Variants in FANCC observed in about 807,000 individuals in gnomAD.
The protein encoded by FANCC is Fanconi anemia group C protein.
A neutral mutation model predicts 71.3 loss-of-function variants in FANCC; 55 were observed. That is an observed-to-expected ratio of 0.77 (90% CI 0.62 to 0.97). FANCC has a LOEUF of 0.97. Among genes scored for constraint, FANCC ranks in the 50% least tolerant of loss-of-function variants. The pLI is 0.00. For synonymous variants in FANCC, 275 were observed against 244.9 expected (o/e 1.12, Z -1.15); for missense variants, 678 against 670.9 (o/e 1.01, Z -0.12).
chr9:95,204,206 CT>C (rs1214927552), intron 4 of FANCC, among the ~76,000 whole-genome samples: 3 of 152,218 alleles, frequency 2.0e-5, no homozygotes, highest in Non-Finnish European at 1.5e-5. Flanking sequence ...TTTAATTTCA[CT>C]GAAGGAACCA....
At chr9:95,253,113 A>G (rs1307349715) in intron 1 of FANCC, among the ~76,000 whole-genome samples, 2 of 152,148 alleles carry the variant, frequency 1.3e-5, no homozygotes, top group Non-Finnish European at 2.9e-5. Context: ...AATGTATCTG[A>G]TTGTTTTAAA....
chr9:95,157,345 G>T (rs1830508168), intron 6 of FANCC, among the ~76,000 whole-genome samples: 1 of 152,166 alleles, frequency 6.6e-6, no homozygotes, highest in Non-Finnish European at 1.5e-5. Context: ...AAATGGTGTT[G>T]TCATAGGGCT....
At chr9:95,271,919 A>C (rs1588394884) in intron 1 of FANCC, among the ~76,000 whole-genome samples, 1 of 95,998 alleles carries the variant, frequency 1.0e-5, no homozygotes, top group African/African-American at 3.8e-5. Context: ...AATCCCATCA[A>C]GCCTCTTCTT....
Position 95,099,206 on chromosome 9 carries a change from T to A in FANCC, c.*2501A>T. On this transcript the variant is annotated 3_prime_UTR_variant, in exon 15 of 15. Coordinates refer to ENST00000289081, the MANE Select transcript of FANCC (RefSeq NM_000136.3). ...TCCGCCTCTTCTGTATTTTTGGCTC[T>A]CTCTGAGGGTAGTGGTTTTACCAGC... The A allele has an allele frequency of 4.6e-6, 1 of 217,504 alleles. No individual in the cohort carries two copies. The allele number at this position is 217,504 out of a possible 1,614,324, so 13.5% of individuals were successfully genotyped here.
intron 4 of FANCC, among the ~76,000 whole-genome samples, chr9:95,187,906 C>T (rs1826830005): frequency 6.6e-6 from 1 of 151,876 alleles, no homozygotes; most frequent in East Asian, 2.0e-4. Context: ...AGGATGGAAA[C>T]GTCTCAAGAC....
intron 8 of FANCC, among the ~76,000 whole-genome samples, chr9:95,134,965 T>G (rs572667222): frequency 6.6e-6 from 1 of 152,392 alleles, no homozygotes; most frequent in African/African-American, 2.4e-5. Flanking sequence ...TTTCCTCTAG[T>G]GAAGAGCTAC....
In FANCC at chr9:95,201,924, T is replaced by C. The variant is rs565035328; in HGVS notation, c.346-29777A>G. Reference sequence around the variant, plus strand: ...CACTCCAAACCTCAGACTGGTGATATTGCATTACTTTCTATAAGATACACA... The same window carrying C: ...CACTCCAAACCTCAGACTGGTGATACTGCATTACTTTCTATAAGATACACA... On this transcript the variant is annotated intron_variant, in intron 4 of 14. Transcript: ENST00000289081. Among the ~76,000 whole-genome samples the C allele has an allele frequency of 6.6e-5, 10 of 152,330 alleles. No individual in the cohort carries two copies. In the East Asian group the frequency reaches 1.3e-3, roughly 21 times the overall value.
chr9:95,123,451 G>A (rs755797742), intron 10 of FANCC: 2 of 460,296 alleles, frequency 4.3e-6, no homozygotes, highest in African/African-American at 2.0e-5. Flanking sequence ...ACCAGCCCGG[G>A]CAACATGGTG....
At chr9:95,179,246 G>C (rs1408734302) in intron 4 of FANCC, among the ~76,000 whole-genome samples, 1 of 152,118 alleles carries the variant, frequency 6.6e-6, no homozygotes, top group Non-Finnish European at 1.5e-5. Context: ...CTATGAATCT[G>C]TACTTTGTTA....
chr9:95,229,792 C>T (rs1051653799), intron 4 of FANCC, among the ~76,000 whole-genome samples: 18 of 151,838 alleles, frequency 1.2e-4, no homozygotes, highest in Non-Finnish European at 7.4e-5. Context: ...CACACACACA[C>T]ACACACACAC....
At chr9:95,124,717 T>C (rs1825704060) in intron 10 of FANCC, among the ~76,000 whole-genome samples, 1 of 152,202 alleles carries the variant, frequency 6.6e-6, no homozygotes, top group South Asian at 2.1e-4. Context: ...ACATGCCATA[T>C]AGACCCCAGG....
intron 1 of FANCC, among the ~76,000 whole-genome samples, chr9:95,280,721 G>A (rs1833335686): frequency 6.6e-6 from 1 of 152,308 alleles, no homozygotes; most frequent in South Asian, 2.1e-4. Flanking sequence ...GCCAGTAACT[G>A]ATCCTAAAGA....
intron 7 of FANCC, among the ~76,000 whole-genome samples, chr9:95,136,444 A>G (rs563538993): frequency 6.6e-5 from 10 of 152,168 alleles, no homozygotes; most frequent in Admixed American, 6.5e-4. Flanking sequence ...CTGGACCTTA[A>G]GTGTGATACT....
chr9:95,114,978 G>C (rs2072269218), intron 11 of FANCC, among the ~76,000 whole-genome samples: 1 of 152,132 alleles, frequency 6.6e-6, no homozygotes. Flanking sequence ...GATCTTGCTT[G>C]GTCAGAGGCT....
chr9:95,172,427 TTTA>T (rs1825748053), intron 4 of FANCC, among the ~76,000 whole-genome samples: 1 of 152,234 alleles, frequency 6.6e-6, no homozygotes, highest in East Asian at 1.9e-4. Context: ...GAATGGAATC[TTTA>T]TTGTTTTTAA....
intron 4 of FANCC, among the ~76,000 whole-genome samples, chr9:95,215,574 T>C (rs992440034): frequency 6.6e-6 from 1 of 152,210 alleles, no homozygotes; most frequent in Non-Finnish European, 1.5e-5. Flanking sequence ...TGGGGTAGTA[T>C]GACTGCTCCT....
intron 3 of FANCC, among the ~76,000 whole-genome samples, chr9:95,244,008 G>A (rs1392127995): frequency 6.6e-6 from 1 of 152,206 alleles, no homozygotes; most frequent in Non-Finnish European, 1.5e-5. Flanking sequence ...CAAGCGTTGA[G>A]ACAGAAAGGG....
In FANCC at chr9:95,190,457, A is replaced by C. The variant is rs552455053; in HGVS notation, c.346-18310T>G. ...GCACAATTTCCTGAGAAAGCTGTCT[A>C]AACTTGCCTTCTTTGCTTCTGCAAC... is the stretch of plus-strand genomic sequence containing the variant. On this transcript the variant is annotated intron_variant, in intron 4 of 14. Coordinates refer to ENST00000289081, the MANE Select transcript of FANCC (RefSeq NM_000136.3). Among the ~76,000 whole-genome samples, 4 of 152,340 alleles carry C rather than the reference A, an allele frequency of 2.6e-5. No homozygotes were observed. The East Asian group carries it at 7.7e-4, about 29-fold the overall frequency.
At chr9:95,215,801 G>A (rs1449200538) in intron 4 of FANCC, among the ~76,000 whole-genome samples, 1 of 152,196 alleles carries the variant, frequency 6.6e-6, no homozygotes, top group Non-Finnish European at 1.5e-5. Context: ...GAAAACTAGG[G>A]AGTAAGCACG....
Sources: allele counts gnomAD v4.1 joint callset (sites outside exome capture counted in the v4.1 genomes callset), GRCh38; gene constraint gnomAD v4.1.1; transcripts MANE v1.5; gene names NCBI Gene and HGNC (gene_info 2026-07-23, HGNC 2026-07-21).